MYMX: variants seen among roughly 807,000 people sequenced by gnomAD.
MYMX encodes the protein myomixer, myoblast fusion factor, also known as protein myomixer.
chr6:44,194,349 G>A, the MYMX span, among the ~76,000 whole-genome samples: 1 of 152,348 alleles, frequency 6.6e-6, no homozygotes, highest in East Asian at 1.9e-4. Flanking sequence ...AAATAGGCTA[G>A]CCTGGGCAGG....
chr6:44,207,597 G>T, the MYMX span, among the ~76,000 whole-genome samples: 4 of 151,610 alleles, frequency 2.6e-5, no homozygotes, highest in Non-Finnish European at 2.9e-5. Context: ...CAATGGCATG[G>T]TCTCGGTTAA....
chr6:44,206,977 C>T, the MYMX span, among the ~76,000 whole-genome samples: 1 of 152,162 alleles, frequency 6.6e-6, no homozygotes, highest in African/African-American at 2.4e-5. Flanking sequence ...TATGACTTCT[C>T]AACCTCCATT....
At chr6:44,196,825 G>A in the MYMX span, among the ~76,000 whole-genome samples, 1 of 151,964 alleles carries the variant, frequency 6.6e-6, no homozygotes, top group African/African-American at 2.4e-5. Flanking sequence ...GGATGTGGTG[G>A]CACATGCCTG....
chr6:44,210,838 G>T, the MYMX span, among the ~76,000 whole-genome samples: 22 of 152,190 alleles, frequency 1.4e-4, no homozygotes, highest in African/African-American at 5.1e-4. Context: ...CTTCAAAATT[G>T]TACTATGGGG....
chr6:44,200,153 A>G, the MYMX span, among the ~76,000 whole-genome samples: 1 of 151,574 alleles, frequency 6.6e-6, no homozygotes, highest in Non-Finnish European at 1.5e-5. Context: ...TGGGAGACAG[A>G]GGAAGAGCCT....
the MYMX span, among the ~76,000 whole-genome samples, chr6:44,202,496 A>C: frequency 3.3e-5 from 5 of 151,748 alleles, no homozygotes; most frequent in Non-Finnish European, 7.4e-5. Flanking sequence ...AGTTGCCTGC[A>C]GAGCATGGGA....
At chr6:44,193,830 C>T in the MYMX span, among the ~76,000 whole-genome samples, 2 of 152,066 alleles carry the variant, frequency 1.3e-5, no homozygotes, top group African/African-American at 4.8e-5. Context: ...ACTAAAAATA[C>T]AAAGTTAGCC....
At chr6:44,200,485 T>C in the MYMX span, among the ~76,000 whole-genome samples, 2 of 152,042 alleles carry the variant, frequency 1.3e-5, no homozygotes, top group Non-Finnish European at 2.9e-5. Context: ...TGGCTAATTT[T>C]TGCATTTTTA....
the MYMX span, among the ~76,000 whole-genome samples, chr6:44,209,333 TCATTCTCGGAGC>T: frequency 1.3e-5 from 2 of 151,826 alleles, no homozygotes; most frequent in Non-Finnish European, 2.9e-5. Context: ...GTCCCCAAAT[TCATTCTCGGAGC>T]CATGGATAGC....
At chr6:44,203,734 A>G in the MYMX span, among the ~76,000 whole-genome samples, 1 of 152,022 alleles carries the variant, frequency 6.6e-6, no homozygotes, top group African/African-American at 2.4e-5. Context: ...TTCCTTTCAC[A>G]TTTCTTACAA....
the MYMX span, among the ~76,000 whole-genome samples, chr6:44,211,586 G>T: frequency 6.6e-6 from 1 of 151,530 alleles, no homozygotes; most frequent in African/African-American, 2.4e-5. Context: ...TATATATTTT[G>T]AGATAACTAA....
At chr6:44,195,521 C>T in the MYMX span, among the ~76,000 whole-genome samples, 5 of 151,956 alleles carry the variant, frequency 3.3e-5, no homozygotes, top group Non-Finnish European at 7.4e-5. Flanking sequence ...GACTGAAGTG[C>T]AATGGCATGA....
chr6:44,215,363 A>G (rs1035690528), upstream of MYMX, among the ~76,000 whole-genome samples: 6 of 152,068 alleles, frequency 3.9e-5, no homozygotes, highest in Non-Finnish European at 7.4e-5. Flanking sequence ...TCTTGAGCCC[A>G]GGAGTTAGAG....
chr6:44,202,735 G>A, the MYMX span, among the ~76,000 whole-genome samples: 3 of 152,030 alleles, frequency 2.0e-5, no homozygotes, highest in Admixed American at 2.0e-4. Context: ...GGTGGAGAGG[G>A]CAGTTAATCC....
the MYMX span, among the ~76,000 whole-genome samples, chr6:44,195,737 A>G: frequency 6.6e-6 from 1 of 152,096 alleles, no homozygotes; most frequent in Non-Finnish European, 1.5e-5. Flanking sequence ...TCCTTTTGCC[A>G]TTTGGTTTTA....
chr6:44,195,101 C>T, the MYMX span, among the ~76,000 whole-genome samples: 18 of 152,156 alleles, frequency 1.2e-4, no homozygotes, highest in South Asian at 3.3e-3. Context: ...TTGCAACCTC[C>T]TCCGCCTCTT....
chr6:44,199,872 A>G, the MYMX span, among the ~76,000 whole-genome samples: 2 of 151,944 alleles, frequency 1.3e-5, no homozygotes, highest in Non-Finnish European at 1.5e-5. Flanking sequence ...TTTGGTAGAG[A>G]CTGGGTTTTG....
the MYMX span, among the ~76,000 whole-genome samples, chr6:44,203,353 C>T: frequency 3.3e-5 from 5 of 152,138 alleles, no homozygotes; most frequent in Admixed American, 6.6e-5. Flanking sequence ...GACAGATCTC[C>T]GTCAACTTAG....
the MYMX span, among the ~76,000 whole-genome samples, chr6:44,203,648 G>A: frequency 6.6e-6 from 1 of 152,136 alleles, no homozygotes. Context: ...TGTCTGTTTA[G>A]GAACCAAAAT....
Sources: gnomAD v4.1 joint callset for allele counts (sites outside exome capture counted in the v4.1 genomes callset) on GRCh38, gnomAD v4.1.1 for gene constraint, MANE v1.5 for transcripts, NCBI Gene and HGNC (gene_info 2026-07-23, HGNC 2026-07-21) for gene names.